Variants in JARID2 observed in about 807,000 individuals in gnomAD.
JARID2 encodes the protein protein Jumonji.
Under a neutral mutation model 125.6 loss-of-function variants are expected in JARID2, and 21 were observed. The observed-to-expected ratio is 0.17, with a 90% confidence interval of 0.12 to 0.24. JARID2 has a LOEUF of 0.24. JARID2 is among the 10% of genes least tolerant of loss of function. The pLI is 1.00. For synonymous variants in JARID2, 736 were observed against 661.6 expected (o/e 1.11, Z -1.73); for missense variants, 1,303 against 1,639.6 (o/e 0.79, Z 3.55).
At chr6:15,260,004 C>T (rs905072256) in intron 1 of JARID2, among the ~76,000 whole-genome samples, 1 of 152,080 alleles carries the variant, frequency 6.6e-6, no homozygotes, top group Non-Finnish European at 1.5e-5. Flanking sequence ...GGTTTGAGGT[C>T]TTGACCTAAA....
intron 3 of JARID2, among the ~76,000 whole-genome samples, chr6:15,417,938 C>T (rs115368595): frequency 6.6e-6 from 1 of 152,252 alleles, no homozygotes; most frequent in East Asian, 1.9e-4. Flanking sequence ...TATCTTTCCT[C>T]TCTGTCAGCC....
At chr6:15,324,992 T>G (rs1762490440) in intron 1 of JARID2, among the ~76,000 whole-genome samples, 1 of 152,174 alleles carries the variant, frequency 6.6e-6, no homozygotes, top group African/African-American at 2.4e-5. Flanking sequence ...AATCCCTTGC[T>G]GGAGGAGATG....
rs75061898 is a variant in JARID2, at chr6:15,458,392, C to T, written c.493+6217C>T. ...GGCATCACAGTTCAGCGTCACGGCT[C>T]GGCACAGTGAAGAGAGTGTTATTAT... is the stretch of plus-strand genomic sequence containing the variant. On this transcript the variant is annotated intron_variant, in intron 4 of 17. Coordinates refer to ENST00000341776, the MANE Select transcript of JARID2 (RefSeq NM_004973.4). Among the ~76,000 whole-genome samples the T allele has an allele frequency of 7.2e-3, 1,096 of 152,220 alleles. 13 individuals carry two copies. The highest frequency in any genetic ancestry group is 0.025 in the African/African-American group (1,038 of 41,518).
At chr6:15,366,153 A>G (rs765527842) in intron 1 of JARID2, among the ~76,000 whole-genome samples, 1 of 152,088 alleles carries the variant, frequency 6.6e-6, no homozygotes, top group Admixed American at 6.5e-5. Flanking sequence ...GGTTTGGCAT[A>G]TCAGGCAGCC....
intron 5 of JARID2, among the ~76,000 whole-genome samples, chr6:15,470,903 C>T (rs6903151): frequency 0.13 from 20,410 of 152,194 alleles, 1,847 homozygotes; most frequent in African/African-American, 0.26. Flanking sequence ...CTGGAAAGAC[C>T]TGGGCACGAG....
rs144020983 is a variant in JARID2 at position 15,426,763 on chromosome 6, T to C, written c.323+16398T>C. ...CCAACCCCCAGAGGATGAGGTGACT[T>C]AAGCCTAATAGATTCTTGGATAATT... is the stretch of plus-strand genomic sequence containing the variant. On this transcript the variant is annotated intron_variant, in intron 3 of 17. Coordinates refer to ENST00000341776, the MANE Select transcript of JARID2 (RefSeq NM_004973.4). Among the ~76,000 whole-genome samples the C allele has an allele frequency of 2.6e-5, 4 of 152,344 alleles. No individual in the cohort carries two copies. The East Asian group carries it at 7.7e-4, about 29-fold the overall frequency.
intron 12 of JARID2, chr6:15,509,328 G>T (rs1245790110): frequency 1.0e-6 from 1 of 985,202 alleles, no homozygotes; most frequent in African/African-American, 1.7e-5. Flanking sequence ...TGCCCTAATG[G>T]GGTGATTAAA....
At chr6:15,372,959 G>T (rs1294339253) in intron 1 of JARID2, among the ~76,000 whole-genome samples, 2 of 152,024 alleles carry the variant, frequency 1.3e-5, no homozygotes, top group Admixed American at 6.6e-5. Flanking sequence ...TGCCCATCTT[G>T]GCCCCCAAAA....
intron 1 of JARID2, among the ~76,000 whole-genome samples, chr6:15,262,825 G>A (rs936177442): frequency 6.6e-6 from 1 of 152,142 alleles, no homozygotes; most frequent in Non-Finnish European, 1.5e-5. Context: ...CACCGTGCCC[G>A]GCCCGTTTGG....
chr6:15,497,201 G>T, intron 7 of JARID2, 31 bp downstream of exon 7: 1 of 1,480,638 alleles, frequency 6.8e-7, no homozygotes, highest in South Asian at 1.3e-5. Context: ...AGGGGGTGGT[G>T]CCTGCCCTCC....
intron 1 of JARID2, among the ~76,000 whole-genome samples, chr6:15,272,436 A>G (rs1471128826): frequency 2.0e-5 from 3 of 152,224 alleles, no homozygotes; most frequent in Non-Finnish European, 2.9e-5. Context: ...AAGCTTATAT[A>G]GTTTTTAAAA....
chr6:15,477,582 C>G (rs1483051407), intron 5 of JARID2, among the ~76,000 whole-genome samples: 10 of 150,044 alleles, frequency 6.7e-5, no homozygotes, highest in Non-Finnish European at 1.0e-4. Context: ...CTAACCACCC[C>G]CTTTACGCAT....
chr6:15,283,027 G>A (rs917151697), intron 1 of JARID2, among the ~76,000 whole-genome samples: 1 of 151,774 alleles, frequency 6.6e-6, no homozygotes, highest in African/African-American at 2.4e-5. Flanking sequence ...TGCCCAGGCT[G>A]GAGTGTAGTG....
intron 1 of JARID2, among the ~76,000 whole-genome samples, chr6:15,301,079 C>G (rs1761605292): frequency 6.6e-6 from 1 of 152,066 alleles, no homozygotes. Flanking sequence ...TTTAAAGCAG[C>G]GTATAAGTAA....
chr6:15,372,720 T>TTTA (rs1561819794), intron 1 of JARID2, among the ~76,000 whole-genome samples: 10 of 151,474 alleles, frequency 6.6e-5, no homozygotes, highest in South Asian at 6.2e-4. Context: ...TTATTTATTT[T>TTTA]TTTTTTTGAG....
chr6:15,457,601 CTTTT>C (rs35659046), intron 4 of JARID2, among the ~76,000 whole-genome samples: 1 of 127,120 alleles, frequency 7.9e-6, no homozygotes, highest in African/African-American at 2.8e-5. Flanking sequence ...GGATCCAGGT[CTTTT>C]TTTTTTTTTT....
intron 1 of JARID2, among the ~76,000 whole-genome samples, chr6:15,336,749 C>T (rs1255915893): frequency 1.3e-5 from 2 of 151,372 alleles, no homozygotes; most frequent in African/African-American, 4.9e-5. Context: ...GAGGTCTCAC[C>T]ATGCTGCCCC....
intron 1 of JARID2, among the ~76,000 whole-genome samples, chr6:15,328,391 T>A (rs1762600848): frequency 2.0e-5 from 3 of 152,224 alleles, no homozygotes; most frequent in Admixed American, 2.0e-4. Flanking sequence ...CACCAGTGTC[T>A]GCAGGTTGCT....
chr6:15,495,476 C>T (rs1375351356), intron 6 of JARID2, among the ~76,000 whole-genome samples: 1 of 152,226 alleles, frequency 6.6e-6, no homozygotes, highest in African/African-American at 2.4e-5. Context: ...GGGCTCGTCT[C>T]CACAAGGAAA....
Sources: gnomAD v4.1 joint callset for allele counts (sites outside exome capture counted in the v4.1 genomes callset) on GRCh38, gnomAD v4.1.1 for gene constraint, MANE v1.5 for transcripts, NCBI Gene and HGNC (gene_info 2026-07-23, HGNC 2026-07-21) for gene names.